TACC2: variants seen among roughly 807,000 people sequenced by gnomAD.
TACC2 encodes transforming acidic coiled-coil containing protein 2.
In TACC2, 137 loss-of-function variants were observed where a neutral mutation model predicts 227.3. The ratio of observed to expected loss-of-function variants is 0.60; its 90% CI spans 0.52 to 0.69. The LOEUF (loss-of-function observed/expected upper bound fraction) is 0.69, where lower values mean the gene tolerates loss of function less well. Among genes scored for constraint, TACC2 ranks in the 30% least tolerant of loss-of-function variants. The probability of loss-of-function intolerance (pLI) is 0.00; values close to 1 mark genes in which losing one functional copy is unlikely to be tolerated. For synonymous variants in TACC2, 1,523 were observed against 1,487.5 expected (o/e 1.02, Z -0.55); for missense variants, 3,470 against 3,694.4 (o/e 0.94, Z 1.57).
chr10:122,039,266 G>A (rs1243729088), intron 2 of TACC2, among the ~76,000 whole-genome samples: 1 of 152,158 alleles, frequency 6.6e-6, no homozygotes, highest in Non-Finnish European at 1.5e-5. Context: ...GTGAGCCACC[G>A]TGCTGGCCTC....
At chr10:122,182,137 TAGC>T (rs560577875) in intron 7 of TACC2, among the ~76,000 whole-genome samples, 19 of 152,242 alleles carry the variant, frequency 1.2e-4, no homozygotes, top group Non-Finnish European at 2.4e-4. Context: ...TTGCCATATT[TAGC>T]AGAGCAGGGA....
intron 2 of TACC2, among the ~76,000 whole-genome samples, chr10:122,026,847 T>C (rs1001591241): frequency 2.6e-5 from 4 of 152,244 alleles, no homozygotes; most frequent in Middle Eastern, 3.4e-3. Context: ...TGCCTGAATG[T>C]ACCGGTTTAT....
At chr10:122,165,321 A>G (rs973055816) in intron 7 of TACC2, among the ~76,000 whole-genome samples, 3 of 152,212 alleles carry the variant, frequency 2.0e-5, no homozygotes, top group Non-Finnish European at 4.4e-5. Flanking sequence ...TGAGTTAATC[A>G]GTGACAGGCA....
chr10:122,226,490 T>G lies in TACC2; in HGVS notation c.7724+9T>G, dbSNP rs2095631386. 2 of 1,592,126 alleles carry G rather than the reference T, an allele frequency of 1.3e-6. No homozygotes were observed. The highest frequency in any genetic ancestry group is 1.7e-6 in the Non-Finnish European group (2 of 1,161,474). ...CCGACGCCGTGTTCAGGGTATGACT[T>G]CCATGATGAGAGAGTTACACATCAT... On this transcript the variant is annotated intron_variant, in intron 13 of 22. Transcript: ENST00000369005.
chr10:122,041,459 C>T (rs2459078), intron 2 of TACC2, among the ~76,000 whole-genome samples: 83,295 of 144,584 alleles, frequency 0.58, 23,915 homozygotes, highest in Non-Finnish European at 0.62. Flanking sequence ...TTTTTTTTCT[C>T]GTAACGAGAC....
At chr10:122,013,626 C>T (rs537469470) in intron 1 of TACC2, among the ~76,000 whole-genome samples, 5 of 152,326 alleles carry the variant, frequency 3.3e-5, no homozygotes, top group South Asian at 4.1e-4. Flanking sequence ...TGAGCTCCCC[C>T]TCGATGAGCA....
At position 122,132,631 on chromosome 10, in the gene TACC2, A is replaced by G; in HGVS notation, c.5596A>G (p.Ile1866Val). 1 of 1,614,064 alleles carries G rather than the reference A, an allele frequency of 6.2e-7. No homozygotes were observed. The highest frequency in any genetic ancestry group is 1.3e-5 in the African/African-American group (1 of 75,036). ...TESSPVADDI[I>V]QPAAPADLES... ...CAGTTCACCTGTGGCAGATGATATC[A>G]TCCAGCCCGCTGCCCCCGCAGACCT... Residue 1866 changes from isoleucine to valine, a missense_variant, in exon 6 of 23, where the codon ATC becomes GTC. Physicochemically the swap from Ile to Val is conservative, Grantham distance 29. Around this residue, in one of 10 missense-constraint regions of TACC2, gnomAD observed 1,924 missense variants for 1,978.3 expected, o/e 0.97. Coordinates refer to ENST00000369005, the MANE Select transcript of TACC2 (RefSeq NM_206862.4).
chr10:122,248,582 C>T, intron 19 of TACC2, 61 bp from the exon 20 acceptor site: 5 of 1,602,794 alleles, frequency 3.1e-6, no homozygotes, highest in South Asian at 2.2e-5. Context: ...CTCGGCTGGC[C>T]CCAGAGACCC....
intron 3 of TACC2, among the ~76,000 whole-genome samples, chr10:122,072,151 G>A (rs1323519594): frequency 1.3e-5 from 2 of 151,624 alleles, no homozygotes; most frequent in Non-Finnish European, 2.9e-5. Flanking sequence ...GCTAATTTTT[G>A]TATTTTAGTT....
At chr10:122,002,973 C>A (rs1954597116) in intron 1 of TACC2, among the ~76,000 whole-genome samples, 1 of 152,108 alleles carries the variant, frequency 6.6e-6, no homozygotes, top group African/African-American at 2.4e-5. Context: ...GAGGCCGAAG[C>A]AGGCGGATCA....
At chr10:122,167,868 T>G (rs893855884) in intron 7 of TACC2, among the ~76,000 whole-genome samples, 3 of 152,052 alleles carry the variant, frequency 2.0e-5, no homozygotes, top group African/African-American at 4.8e-5. Flanking sequence ...TTTCTTTAGC[T>G]CTCATTAGAT....
Position 122,005,683 on chromosome 10 carries a change from CTT to C in TACC2, c.-46+16208_-46+16209del, listed in dbSNP as rs67744191. Among the ~76,000 whole-genome samples the C allele has an allele frequency of 4.2e-3, 455 of 108,340 alleles. 2 individuals are homozygous for C. Among genetic ancestry groups the C allele is most frequent in the Middle Eastern group, 0.014 (2 of 138 alleles). 71.1% of individuals were successfully genotyped at this position (108,340 alleles called of 152,430 possible). Reference sequence around the variant, plus strand: ...ACAGGCATGAGCCACCGTGCCTGGCCTTTTTTTTTTTTTTCTTTTTTTTTTTT... The same window carrying C: ...ACAGGCATGAGCCACCGTGCCTGGCCTTTTTTTTTTTTCTTTTTTTTTTTT... On this transcript the variant is annotated intron_variant, in intron 1 of 22. Transcript: ENST00000369005.
intron 13 of TACC2, among the ~76,000 whole-genome samples, chr10:122,227,330 G>T (rs115679103): frequency 5.3e-5 from 8 of 152,310 alleles, no homozygotes; most frequent in Non-Finnish European, 1.0e-4. Context: ...GCCCCTTTAA[G>T]CAGGAGTAAA....
Position 122,087,366 on chromosome 10 carries a change from G to T in TACC2, c.4866G>T (p.Gly1622=). 6.2e-7 allele frequency: 1 copy of T among 1,614,052 alleles called. No homozygotes were observed. Among genetic ancestry groups the T allele is most frequent in the South Asian group, 1.1e-5 (1 of 91,088 alleles). ...GTCCCGGGGACTTTGCTCACACAGG[G>T]GTTCCAGGACATGTGCCAAGGTCCA... ...EDGPGDFAHT[G]VPGHVPRSTC... The change falls in exon 4 of 23, where the codon GGG becomes GGT. Residue 1622 remains glycine, a synonymous_variant. Coordinates refer to ENST00000369005, the MANE Select transcript of TACC2 (RefSeq NM_206862.4).
intron 7 of TACC2, among the ~76,000 whole-genome samples, chr10:122,166,659 A>T (rs886579164): frequency 7.2e-5 from 11 of 152,188 alleles, no homozygotes; most frequent in African/African-American, 1.4e-4. Context: ...TCATCCAGGG[A>T]CTTGTAAAGA....
chr10:122,217,437 C>CTTTTTTTTTTTT (rs35233150), intron 11 of TACC2, among the ~76,000 whole-genome samples: 29 of 93,246 alleles, frequency 3.1e-4, no homozygotes, highest in Admixed American at 4.4e-4. Context: ...TTTCTTTTTT[C>CTTTTTTTTTTTT]TTTTTTTTTT....
chr10:122,173,193 A>G (rs769838147), intron 7 of TACC2, among the ~76,000 whole-genome samples: 1 of 152,184 alleles, frequency 6.6e-6, no homozygotes, highest in Admixed American at 6.5e-5. Flanking sequence ...GACAACCCCA[A>G]AAAGTCCAAA....
chr10:122,133,213 G>A (rs1416032026), intron 6 of TACC2, among the ~76,000 whole-genome samples: 1 of 152,058 alleles, frequency 6.6e-6, no homozygotes, highest in Non-Finnish European at 1.5e-5. Flanking sequence ...GGGGAGCCAG[G>A]GGCCTGGGGT....
intron 2 of TACC2, among the ~76,000 whole-genome samples, chr10:122,029,377 T>G (rs1243299115): frequency 6.6e-6 from 1 of 152,142 alleles, no homozygotes; most frequent in Non-Finnish European, 1.5e-5. Context: ...ATAATTATTT[T>G]TACACATTGT....
Sources: gnomAD v4.1 joint callset for allele counts (sites outside exome capture counted in the v4.1 genomes callset) on GRCh38, gnomAD v4.1.1 for gene constraint, gnomAD v4.1.1 regional missense constraint, MANE v1.5 for transcripts, NCBI Gene and HGNC (gene_info 2026-07-23, HGNC 2026-07-21) for gene names.